The following MAF variants were observed in gnomAD, a reference collection of about 807,000 sequenced individuals.
The protein encoded by MAF is MAF bZIP transcription factor, also known as transcription factor Maf.
A neutral mutation model predicts 22.0 loss-of-function variants in MAF; 10 were observed. That is an observed-to-expected ratio of 0.45 (90% confidence interval 0.28 to 0.77). MAF has a LOEUF of 0.77. Among genes scored for constraint, MAF ranks in the 30% least tolerant of loss-of-function variants. The pLI is 0.12. For missense variants in MAF, 544 were observed against 548.4 expected, an observed-to-expected ratio of 0.99 and a Z score of 0.08; for synonymous variants, 337 against 255.8, an observed-to-expected ratio of 1.32 and a Z score of -3.03.
rs750790262 is a variant in MAF at position 79,599,750 on chromosome 16, G to A, written c.153C>T (p.Ala51=). 5.5e-5 allele frequency: 88 copies of A among 1,612,916 alleles called. No individual in the cohort carries two copies. The highest frequency in any genetic ancestry group is 6.7e-5 in the Non-Finnish European group (79 of 1,179,922). The change falls in exon 1 of 2, where the codon GCC becomes GCT. Residue 51 remains alanine, a synonymous_variant. Transcript: ENST00000326043. ...RIISQCGRLI[A]GGSLSSTPMS... is the part of the protein sequence containing the mutation. ...TGGGGGTGGAGGACAGCGAGCCCCC[G>A]GCGATGAGACGGCCGCACTGGCTGA...
chr16:79,525,070 G>T, the MAF span, among the ~76,000 whole-genome samples: 1 of 152,166 alleles, frequency 6.6e-6, no homozygotes, highest in Non-Finnish European at 1.5e-5. Context: ...TATGCCATTA[G>T]TGGCCACAGC....
At chr16:79,407,519 G>A in the MAF span, among the ~76,000 whole-genome samples, 2 of 152,000 alleles carry the variant, frequency 1.3e-5, no homozygotes, top group Admixed American at 6.6e-5. Flanking sequence ...GTGAAGTCCT[G>A]TAATCGTGTT....
chr16:79,372,192 A>C, the MAF span, among the ~76,000 whole-genome samples: 5 of 151,622 alleles, frequency 3.3e-5, no homozygotes, highest in Non-Finnish European at 7.4e-5. Flanking sequence ...TGAGATCAGT[A>C]ATCTCTGCCA....
At chr16:79,286,356 A>G in the MAF span, among the ~76,000 whole-genome samples, 3 of 152,190 alleles carry the variant, frequency 2.0e-5, no homozygotes, top group Non-Finnish European at 4.4e-5. Flanking sequence ...CCTCTGTACT[A>G]TCCTCTGCTA....
chr16:79,509,286 C>T, the MAF span, among the ~76,000 whole-genome samples: 1 of 152,216 alleles, frequency 6.6e-6, no homozygotes, highest in Non-Finnish European at 1.5e-5. Flanking sequence ...TGGTCTCTAA[C>T]AAAGCCCTCT....
the MAF span, among the ~76,000 whole-genome samples, chr16:79,410,365 T>C: frequency 6.6e-6 from 1 of 152,228 alleles, no homozygotes; most frequent in African/African-American, 2.4e-5. Context: ...TTTGTCAAAG[T>C]TAAATAGCCA....
chr16:79,232,142 C>G, the MAF span, among the ~76,000 whole-genome samples: 1 of 152,026 alleles, frequency 6.6e-6, no homozygotes, highest in Non-Finnish European at 1.5e-5. Flanking sequence ...CCTCTTACTG[C>G]GCATTCCAGT....
the MAF span, among the ~76,000 whole-genome samples, chr16:79,468,690 C>T: frequency 6.6e-6 from 1 of 152,100 alleles, no homozygotes; most frequent in African/African-American, 2.4e-5. Flanking sequence ...ACAGTGGTAA[C>T]GTGGCCCCCA....
At chr16:79,323,998 T>C in the MAF span, among the ~76,000 whole-genome samples, 1 of 152,138 alleles carries the variant, frequency 6.6e-6, no homozygotes, top group Non-Finnish European at 1.5e-5. Flanking sequence ...ATCTTCACAC[T>C]GAGAATATAA....
the MAF span, among the ~76,000 whole-genome samples, chr16:79,298,697 C>T: frequency 2.0e-5 from 3 of 152,196 alleles, no homozygotes; most frequent in African/African-American, 2.4e-5. Context: ...TGGCATGGAG[C>T]TGGGCGTAAT....
At chr16:79,562,472 C>T in the MAF span, among the ~76,000 whole-genome samples, 1 of 152,002 alleles carries the variant, frequency 6.6e-6, no homozygotes, top group Non-Finnish European at 1.5e-5. Context: ...AGTTATTACC[C>T]TTGGGAAAAA....
chr16:79,306,195 A>G, the MAF span, among the ~76,000 whole-genome samples: 5 of 152,220 alleles, frequency 3.3e-5, no homozygotes, highest in Admixed American at 2.6e-4. Flanking sequence ...AGGCTATCAG[A>G]TGCAGGACTG....
the MAF span, chr16:79,264,672 T>C: frequency 6.6e-6 from 1 of 152,202 alleles, no homozygotes; most frequent in Non-Finnish European, 1.5e-5. Context: ...TTTTGGGAGA[T>C]GTCTTTCTCC....
the MAF span, among the ~76,000 whole-genome samples, chr16:79,402,457 C>A: frequency 1.3e-5 from 2 of 152,188 alleles, no homozygotes; most frequent in Non-Finnish European, 2.9e-5. Flanking sequence ...TTCCAGGGGC[C>A]TCTCACACTT....
At chr16:79,391,990 GAGA>G in the MAF span, among the ~76,000 whole-genome samples, 1 of 150,366 alleles carries the variant, frequency 6.7e-6, no homozygotes, top group South Asian at 2.1e-4. Context: ...AGAGGCGAGA[GAGA>G]AGGAGGGAGA....
chr16:79,456,362 C>G, the MAF span, among the ~76,000 whole-genome samples: 3,061 of 152,226 alleles, frequency 0.02, 74 homozygotes, highest in South Asian at 0.065. Flanking sequence ...AATTGTCAGA[C>G]CAGTGTTTTA....
chr16:79,421,193 C>T, the MAF span, among the ~76,000 whole-genome samples: 2 of 152,116 alleles, frequency 1.3e-5, no homozygotes, highest in African/African-American at 2.4e-5. Flanking sequence ...ATATACATTG[C>T]GTTTGTTATT....
At chr16:79,456,862 A>G in the MAF span, among the ~76,000 whole-genome samples, 3 of 152,116 alleles carry the variant, frequency 2.0e-5, no homozygotes, top group Non-Finnish European at 4.4e-5. Context: ...TTTATATGCA[A>G]ACACATGTGG....
At chr16:79,388,721 A>C in the MAF span, among the ~76,000 whole-genome samples, 1 of 152,248 alleles carries the variant, frequency 6.6e-6, no homozygotes, top group Non-Finnish European at 1.5e-5. Flanking sequence ...AGGAAAATTT[A>C]GACTATCTCC....
Sources: allele counts gnomAD v4.1 joint callset (sites outside exome capture counted in the v4.1 genomes callset), GRCh38; gene constraint gnomAD v4.1.1; transcripts MANE v1.5; gene names NCBI Gene and HGNC (gene_info 2026-07-23, HGNC 2026-07-21).